Variants in SNX24 observed in about 807,000 individuals in gnomAD.
The protein encoded by SNX24 is sorting nexin-24.
In SNX24, 22 loss-of-function variants were observed where a neutral mutation model predicts 28.7. That is an observed-to-expected ratio of 0.77 (90% confidence interval 0.55 to 1.10). The LOEUF is 1.10. SNX24 is among the 50% of genes least tolerant of loss of function. SNX24 has a pLI of 0.00. For synonymous variants in SNX24, 69 were observed against 71.5 expected (o/e 0.96, Z 0.18); for missense variants, 221 against 201.1 (o/e 1.10, Z -0.60).
At chr5:122,936,165 T>C in intron 1 of SNX24, among the ~76,000 whole-genome samples, 1 of 152,148 alleles carries the variant, frequency 6.6e-6, no homozygotes, top group Admixed American at 6.5e-5. Flanking sequence ...GTCACTTGTA[T>C]CATGCAGGGA....
Position 122,973,627 on chromosome 5 carries a change from A to C in SNX24, c.250-26285A>C, listed in dbSNP as rs1254414754. Among the ~76,000 whole-genome samples the C allele has an allele frequency of 8.5e-5, 13 of 152,292 alleles. No homozygotes were observed. In the East Asian group the frequency reaches 2.5e-3, roughly 29 times the overall value. ...AGGACCTGCTCAAGCCTGATTACGT[A>C]TATATCACTTCCATTTAATGGTGAA... On this transcript the variant is annotated intron_variant, in intron 3 of 6. Transcript: ENST00000261369.
intron 1 of SNX24, among the ~76,000 whole-genome samples, chr5:122,855,133 G>A (rs1346495743): frequency 6.6e-6 from 1 of 151,646 alleles, no homozygotes; most frequent in Non-Finnish European, 1.5e-5. Flanking sequence ...GTGCAGTGGT[G>A]CAATCTTGGC....
In SNX24 at chr5:122,995,232, C is replaced by T. The variant is rs1313583697; in HGVS notation, c.250-4680C>T. ...ATGACTCCTTCCTTGCTAGTTTTGA[C>T]AGTACTTTCTTCTTCTTCCAGCAGC... On this transcript the variant is annotated intron_variant, in intron 3 of 6. Transcript: ENST00000261369. Among the ~76,000 whole-genome samples, 2 of 152,198 alleles carry T rather than the reference C, an allele frequency of 1.3e-5. 1 individual carries two copies. The highest frequency in any genetic ancestry group is 2.9e-5 in the Non-Finnish European group (2 of 68,034).
At chr5:122,943,491 C>T (rs368305034) in intron 2 of SNX24, among the ~76,000 whole-genome samples, 2 of 152,206 alleles carry the variant, frequency 1.3e-5, no homozygotes, top group South Asian at 2.1e-4. Context: ...CCAGTGATTG[C>T]CCTGCTTCTC....
At chr5:122,891,515 T>G (rs1400057314) in intron 1 of SNX24, among the ~76,000 whole-genome samples, 1 of 152,224 alleles carries the variant, frequency 6.6e-6, no homozygotes, top group African/African-American at 2.4e-5. Flanking sequence ...GATGTATTCA[T>G]TTTTTAAAGT....
chr5:122,904,405 A>C (rs1581727768), intron 1 of SNX24, among the ~76,000 whole-genome samples: 1 of 150,580 alleles, frequency 6.6e-6, no homozygotes. Flanking sequence ...CTGGTCTCAA[A>C]CTCCCGACCT....
intron 1 of SNX24, among the ~76,000 whole-genome samples, chr5:122,936,110 C>T (rs1394176250): frequency 6.6e-6 from 1 of 152,176 alleles, no homozygotes; most frequent in Non-Finnish European, 1.5e-5. Flanking sequence ...CCCAGAGAAC[C>T]TTTTCATCTG....
At chr5:122,966,550 G>A (rs1176421034) in intron 3 of SNX24, among the ~76,000 whole-genome samples, 1 of 152,176 alleles carries the variant, frequency 6.6e-6, no homozygotes, top group Non-Finnish European at 1.5e-5. Context: ...ACCTAATTTG[G>A]CTGTTAGGCT....
Position 123,009,133 on chromosome 5 carries a change from G to A in SNX24, c.*1384G>A, listed in dbSNP as rs2150182483. On this transcript the variant is annotated 3_prime_UTR_variant, in exon 7 of 7. Coordinates refer to ENST00000261369, the MANE Select transcript of SNX24 (RefSeq NM_014035.4). The stretch of plus-strand genomic sequence containing the variant: ...TGTTGTCAACCAAAAGTAATAGTTG[G>A]GTATTGGAGATTTTTTTAAAATGTT... The A allele has an allele frequency of 2.0e-6, 2 of 985,066 alleles. No homozygotes were observed. Among genetic ancestry groups the A allele is most frequent in the South Asian group, 9.4e-5 (2 of 21,268 alleles). 61.0% of individuals were successfully genotyped at this position (985,066 alleles called of 1,614,324 possible). A position where few individuals can be genotyped will look rare whatever the true frequency, so the allele number is the denominator to read the frequency against.
intron 1 of SNX24, among the ~76,000 whole-genome samples, chr5:122,864,910 G>A (rs995693467): frequency 2.4e-4 from 37 of 152,212 alleles, no homozygotes; most frequent in Non-Finnish European, 1.8e-4. Flanking sequence ...GGCTGTTATC[G>A]TCTTTGTTTT....
At chr5:122,858,520 T>C (rs2150038963) in intron 1 of SNX24, among the ~76,000 whole-genome samples, 1 of 152,346 alleles carries the variant, frequency 6.6e-6, no homozygotes, top group East Asian at 1.9e-4. Context: ...CAATGAGTCT[T>C]TAGAATAAAT....
chr5:122,857,852 G>C (rs771307384), intron 1 of SNX24, among the ~76,000 whole-genome samples: 2 of 151,890 alleles, frequency 1.3e-5, no homozygotes, highest in Non-Finnish European at 2.9e-5. Context: ...GCATAATCTC[G>C]GCTCACTGCA....
intron 1 of SNX24, among the ~76,000 whole-genome samples, chr5:122,928,225 T>C (rs1454739468): frequency 1.2e-4 from 18 of 152,204 alleles, no homozygotes; most frequent in Admixed American, 1.2e-3. Context: ...CTCTTCCATC[T>C]GCCTGGACCA....
At chr5:122,991,620 C>T (rs1761852462) in intron 3 of SNX24, among the ~76,000 whole-genome samples, 1 of 152,122 alleles carries the variant, frequency 6.6e-6, no homozygotes, top group South Asian at 2.1e-4. Flanking sequence ...CCACCTCACC[C>T]AGCTAATTTT....
exon 6 of SNX24, chr5:123,029,273 C>A: frequency 6.2e-7 from 1 of 1,614,008 alleles, no homozygotes; most frequent in Non-Finnish European, 8.5e-7. Flanking sequence ...AGAAAGAAGA[C>A]CCAATTTAAA....
chr5:122,858,822 TGTGA>T (rs1384171624), intron 1 of SNX24, among the ~76,000 whole-genome samples: 18 of 152,246 alleles, frequency 1.2e-4, no homozygotes, highest in Admixed American at 2.0e-4. Context: ...CATTTCTTTC[TGTGA>T]GTAAGTTTAT....
intron 1 of SNX24, among the ~76,000 whole-genome samples, chr5:122,884,759 G>C (rs1581704138): frequency 6.6e-6 from 1 of 152,198 alleles, no homozygotes; most frequent in East Asian, 1.9e-4. Context: ...GAGGAGTGGG[G>C]GTGCTCTGTG....
At chr5:122,946,466 CA>C (rs1759689847) in intron 3 of SNX24, among the ~76,000 whole-genome samples, 1 of 152,090 alleles carries the variant, frequency 6.6e-6, no homozygotes, top group Non-Finnish European at 1.5e-5. Flanking sequence ...GCTTTTCCTT[CA>C]AGATTTTTTT....
At chr5:122,944,704 T>C (rs1472149630) in intron 2 of SNX24, among the ~76,000 whole-genome samples, 1 of 152,218 alleles carries the variant, frequency 6.6e-6, no homozygotes, top group African/African-American at 2.4e-5. Context: ...GCCGCTCTGC[T>C]CTAGCCAGTA....
Sources: allele counts gnomAD v4.1 joint callset (sites outside exome capture counted in the v4.1 genomes callset), GRCh38; gene constraint gnomAD v4.1.1; transcripts MANE v1.5; gene names NCBI Gene and HGNC (gene_info 2026-07-23, HGNC 2026-07-21).